The following PDZD2 variants were observed in gnomAD, a reference collection of about 807,000 sequenced individuals.
PDZD2 encodes PDZ domain containing 2, also known as PDZ domain-containing protein 2.
PDZD2 carries 90 observed loss-of-function variants against 220.7 expected under a neutral mutation model. The observed-to-expected ratio is 0.41, with a 90% CI of 0.34 to 0.49. The LOEUF is 0.49. PDZD2 is among the 20% of genes least tolerant of loss of function. The probability of loss-of-function intolerance (pLI) is 0.28; values close to 1 mark genes in which losing one functional copy is unlikely to be tolerated. For missense variants in PDZD2, 3,174 were observed against 3,608.5 expected, an observed-to-expected ratio of 0.88 and a Z score of 3.08; for synonymous variants, 1,375 against 1,450.5, an observed-to-expected ratio of 0.95 and a Z score of 1.18.
chr5:31,830,102 A>ACTGTTTCAT (rs1263291919), intron 2 of PDZD2, among the ~76,000 whole-genome samples: 1 of 151,746 alleles, frequency 6.6e-6, no homozygotes, highest in Non-Finnish European at 1.5e-5. Flanking sequence ...ATTTTTTCCA[A>ACTGTTTCAT]CTGTTTCATT....
At chr5:32,032,653 T>C (rs541900159) in intron 6 of PDZD2, among the ~76,000 whole-genome samples, 1 of 152,288 alleles carries the variant, frequency 6.6e-6, no homozygotes, top group African/African-American at 2.4e-5. Context: ...GTCTGTCTTT[T>C]CCTAAAAAAA....
At chr5:31,734,197 G>A (rs1467628157) in intron 1 of PDZD2, among the ~76,000 whole-genome samples, 5 of 152,236 alleles carry the variant, frequency 3.3e-5, no homozygotes, top group Admixed American at 3.3e-4. Context: ...TGCATAGGGC[G>A]AGGTATGGGG....
At chr5:31,867,566 A>G (rs1167517559) in intron 2 of PDZD2, among the ~76,000 whole-genome samples, 1 of 152,162 alleles carries the variant, frequency 6.6e-6, no homozygotes, top group African/African-American at 2.4e-5. Context: ...TCACGGGTCT[A>G]TATTTAGTTC....
chr5:32,012,337 C>T (rs73072245), intron 6 of PDZD2, among the ~76,000 whole-genome samples: 2,698 of 152,262 alleles, frequency 0.018, 74 homozygotes, highest in African/African-American at 0.057. Context: ...CGGAGCATAA[C>T]AGCTCTTTGT....
chr5:32,004,585 T>C (rs1276882816), intron 5 of PDZD2, among the ~76,000 whole-genome samples: 1 of 152,186 alleles, frequency 6.6e-6, no homozygotes, highest in African/African-American at 2.4e-5. Context: ...AGCAAGACCC[T>C]GTCTCAAAAA....
chr5:32,049,054 A>C (rs1047205932), intron 8 of PDZD2, among the ~76,000 whole-genome samples: 1 of 152,052 alleles, frequency 6.6e-6, no homozygotes, highest in African/African-American at 2.4e-5. Context: ...CACATGTATG[A>C]GAGAGGGAGT....
chr5:31,833,467 CAAA>C (rs767208821), intron 2 of PDZD2, among the ~76,000 whole-genome samples: 1 of 148,946 alleles, frequency 6.7e-6, no homozygotes, highest in Non-Finnish European at 1.5e-5. Flanking sequence ...GACCCTGTCT[CAAA>C]AAAAAAAGAA....
In PDZD2 at chr5:32,089,235, G is replaced by T. The variant is rs1401829537; in HGVS notation, c.5787G>T (p.Lys1929Asn). Residue 1929 changes from lysine (K) to asparagine (N), a missense_variant, in exon 20 of 25, where the codon AAG (lysine) becomes AAT (asparagine). Transcript: ENST00000438447. Reference protein sequence around the residue: ...SPQTSHKTLSKAVSQRLHVAD... With the variant: ...SPQTSHKTLSNAVSQRLHVAD... Reference sequence around the variant, plus strand: ...AGACCTCCCACAAAACACTTTCTAAGGCAGTGTCACAGCGGCTCCATGTAG... The same window carrying T: ...AGACCTCCCACAAAACACTTTCTAATGCAGTGTCACAGCGGCTCCATGTAG... The T allele has an allele frequency of 6.2e-7, 1 of 1,614,180 alleles. No individual in the cohort carries two copies. Among genetic ancestry groups the T allele is most frequent in the African/African-American group, 1.3e-5 (1 of 75,048 alleles).
chr5:31,881,223 A>G (rs1013306042), intron 2 of PDZD2, among the ~76,000 whole-genome samples: 2 of 151,702 alleles, frequency 1.3e-5, no homozygotes, highest in Non-Finnish European at 2.9e-5. Context: ...TACATCTAAT[A>G]GTTGCCATTA....
intron 19 of PDZD2, among the ~76,000 whole-genome samples, chr5:32,082,533 A>C (rs1742074878): frequency 6.6e-6 from 1 of 152,122 alleles, no homozygotes; most frequent in African/African-American, 2.4e-5. Flanking sequence ...CCTAAGTTAC[A>C]CACCTCATGG....
intron 2 of PDZD2, among the ~76,000 whole-genome samples, chr5:31,927,123 C>G (rs1744856641): frequency 6.6e-6 from 1 of 152,166 alleles, no homozygotes; most frequent in Non-Finnish European, 1.5e-5. Context: ...TGCTTAGTAC[C>G]TGGGTGACAG....
At chr5:31,824,040 T>C (rs555150943) in intron 2 of PDZD2, among the ~76,000 whole-genome samples, 3 of 152,332 alleles carry the variant, frequency 2.0e-5, no homozygotes, top group Non-Finnish European at 1.5e-5. Flanking sequence ...CTTACTAGTA[T>C]AGGGAGGGCG....
In PDZD2 at chr5:32,098,538, A is replaced by G. The variant is rs762781749; in HGVS notation, c.8122A>G (p.Met2708Val). 20 of 1,614,046 alleles carry G rather than the reference A, an allele frequency of 1.2e-5. No homozygotes were observed. In the African/African-American group the frequency reaches 1.9e-4, roughly 15 times the overall value. ...TGCCCTCGTGGTCATCAAGAAAGGG[A>G]TGGATCAGCCCAGGCCCTCTGCCCG... is the stretch of plus-strand genomic sequence containing the variant. ...KDALVVIKKG[M>V]DQPRPSARQE... The change falls in exon 23 of 25, where the codon ATG becomes GTG. Residue 2708 changes from methionine to valine, a missense_variant. Transcript: ENST00000438447. The surrounding 1 kb of genome is among the most constrained non-coding windows in gnomAD (Gnocchi z 4.1).
chr5:31,903,848 C>G (rs760404745), intron 2 of PDZD2, among the ~76,000 whole-genome samples: 1 of 151,828 alleles, frequency 6.6e-6, no homozygotes. Flanking sequence ...CTCAGCCTCC[C>G]GAGTAGCTGG....
At chr5:32,017,129 G>A (rs1753847550) in intron 6 of PDZD2, among the ~76,000 whole-genome samples, 1 of 152,136 alleles carries the variant, frequency 6.6e-6, no homozygotes, top group African/African-American at 2.4e-5. Flanking sequence ...GTCTTGCCCA[G>A]CATACCATGA....
chr5:32,006,236 GTTTA>G (rs1005821979), intron 5 of PDZD2, among the ~76,000 whole-genome samples: 1 of 151,282 alleles, frequency 6.6e-6, no homozygotes, highest in African/African-American at 2.4e-5. Flanking sequence ...GGTTATCACA[GTTTA>G]TTACCTTTAG....
chr5:32,044,702 C>G (rs372802972), intron 7 of PDZD2, among the ~76,000 whole-genome samples: 6 of 152,256 alleles, frequency 3.9e-5, no homozygotes, highest in African/African-American at 1.2e-4. Flanking sequence ...ACGGACATAG[C>G]AGAATTTTTG....
intron 2 of PDZD2, among the ~76,000 whole-genome samples, chr5:31,958,696 C>T (rs1265227752): frequency 6.6e-6 from 1 of 152,194 alleles, no homozygotes; most frequent in Non-Finnish European, 1.5e-5. Flanking sequence ...TCACAGCTCA[C>T]TGCAGCCTCG....
chr5:32,015,082 C>T (rs1272071353), intron 6 of PDZD2, among the ~76,000 whole-genome samples: 1 of 151,778 alleles, frequency 6.6e-6, no homozygotes, highest in Non-Finnish European at 1.5e-5. Context: ...GCTGGCACTA[C>T]AGGCACCCGC....
Sources: allele counts gnomAD v4.1 joint callset (sites outside exome capture counted in the v4.1 genomes callset), GRCh38; gene constraint gnomAD v4.1.1; non-coding constraint Gnocchi (gnomAD v3.1); transcripts MANE v1.5; gene names NCBI Gene and HGNC (gene_info 2026-07-23, HGNC 2026-07-21).